The following COL6A3 variants were observed in gnomAD, a reference collection of about 807,000 sequenced individuals.
COL6A3 encodes collagen alpha-3(VI) chain.
In COL6A3, 137 loss-of-function variants were observed where a neutral mutation model predicts 274.1. That is an observed-to-expected ratio of 0.50 (90% CI 0.44 to 0.58). The LOEUF (loss-of-function observed/expected upper bound fraction) is 0.58, where lower values mean the gene tolerates loss of function less well. Ranked by LOEUF, COL6A3 falls within the 20% of genes least tolerant of loss-of-function variation. The pLI is 0.00. For synonymous variants in COL6A3, 1,650 were observed against 1,650.6 expected (o/e 1.00, Z 0.01); for missense variants, 3,950 against 4,124.9 (o/e 0.96, Z 1.16).
intron 26 of COL6A3, among the ~76,000 whole-genome samples, chr2:237,352,227 T>C (rs953245610): frequency 6.6e-6 from 1 of 152,176 alleles, no homozygotes; most frequent in Non-Finnish European, 1.5e-5. Context: ...TAGATTTAGA[T>C]TTTCCAGGAT....
intron 25 of COL6A3, 96 bp downstream of exon 25, chr2:237,353,245 A>G: frequency 8.1e-7 from 1 of 1,229,182 alleles, no homozygotes; most frequent in Non-Finnish European, 1.2e-6. Context: ...GTTCACTTTA[A>G]AATGGTTAAC....
Position 237,371,454 on chromosome 2 carries a change from C to T in COL6A3, c.4285+278G>A, listed in dbSNP as rs1193704628. Among the ~76,000 whole-genome samples the T allele has an allele frequency of 2.0e-5, 3 of 151,970 alleles. No individual in the cohort carries two copies. Among genetic ancestry groups the T allele is most frequent in the East Asian group, 1.9e-4 (1 of 5,166 alleles). On this transcript the variant is annotated intron_variant, in intron 9 of 43. Coordinates refer to ENST00000295550, the MANE Select transcript of COL6A3 (RefSeq NM_004369.4). The surrounding 1 kb of genome is among the most constrained non-coding windows in gnomAD (Gnocchi z 4.3). ...TCCACAAAAAATACAAAAAATTAGC[C>T]GGGCGTGGTGGTATGAACCTGTAGT...
rs1301955676 is a variant in COL6A3, at chr2:237,366,822, T to A, written c.5365A>T (p.Ile1789Leu). 2 of 1,614,122 alleles carry A rather than the reference T, an allele frequency of 1.2e-6. No individual in the cohort carries two copies. The highest frequency in any genetic ancestry group is 1.7e-5 in the Admixed American group (1 of 60,008). ...RNIDSEEVGK[I>L]ASNSATAFRV... The stretch of plus-strand genomic sequence containing the variant: ...AACGCTGTGGCGCTGTTGGACGCTA[T>A]CTTTCCAACCTCCTCCGAGTCGATA... Residue 1789 changes from isoleucine (I) to leucine (L), a missense_variant, in exon 11 of 44, where the codon ATA becomes TTA. Coordinates refer to ENST00000295550, the MANE Select transcript of COL6A3 (RefSeq NM_004369.4).
rs114223521 is a variant in COL6A3 at position 237,385,587 on chromosome 2, C to T, written c.1312+1995G>A. On this transcript the variant is annotated intron_variant, in intron 4 of 43. Transcript: ENST00000295550. ...AGAGACCAGCTTTCCCATCTACAGC[C>T]ATGTTGCATCGTCGGTGTCTGCAAA... is the stretch of plus-strand genomic sequence containing the variant. Among the ~76,000 whole-genome samples the T allele has an allele frequency of 2.1e-3, 324 of 152,320 alleles. 2 individuals are homozygous for T. The highest frequency in any genetic ancestry group is 7.3e-3 in the African/African-American group (302 of 41,572).
Position 237,357,872 on chromosome 2 carries a change from C to A in COL6A3, c.6482G>T (p.Gly2161Val), listed in dbSNP as rs2077351651. The change falls in exon 22 of 44, where the codon GGA becomes GTA. Residue 2161 changes from glycine (G) to valine (V), a missense_variant. Coordinates refer to ENST00000295550, the MANE Select transcript of COL6A3 (RefSeq NM_004369.4). ...VGIRGDPGNPGQDSQERGPKG... is the reference protein window; with the variant it reads ...VGIRGDPGNPVQDSQERGPKG... Reference sequence around the variant, plus strand: ...GGGTCCTCTCTCCTGGCTGTCTTGTCCTGGGTTACCCTGAAAGCAACATGG... The same window carrying A: ...GGGTCCTCTCTCCTGGCTGTCTTGTACTGGGTTACCCTGAAAGCAACATGG... 1 of 1,614,006 alleles carries A rather than the reference C, an allele frequency of 6.2e-7. No homozygotes were observed. Among genetic ancestry groups the A allele is most frequent in the Non-Finnish European group, 8.5e-7 (1 of 1,180,028 alleles).
At chr2:237,393,975 C>G (rs982833678) in intron 3 of COL6A3, among the ~76,000 whole-genome samples, 2 of 152,180 alleles carry the variant, frequency 1.3e-5, no homozygotes, top group Non-Finnish European at 2.9e-5. Context: ...AATAAGAAGA[C>G]CAGACCCACA....
chr2:237,352,390 G>A, intron 26 of COL6A3, 132 bp downstream of exon 26: 1 of 909,152 alleles, frequency 1.1e-6, no homozygotes. Context: ...TAAATCTGGG[G>A]TTTTTGTTGC....
At chr2:237,363,149 C>CT (rs1482521784) in intron 14 of COL6A3, 104 bp downstream of exon 14, 18 of 1,159,046 alleles carry the variant, frequency 1.6e-5, no homozygotes, top group Non-Finnish European at 2.3e-5. Context: ...CAAGGCCCCC[C>CT]CCCCACCTCC....
chr2:237,347,718 G>T, intron 31 of COL6A3, 89 bp downstream of exon 31: 1 of 1,341,256 alleles, frequency 7.5e-7, no homozygotes, highest in Non-Finnish European at 1.0e-6. Flanking sequence ...GGGTGCAAGT[G>T]AAGGATAATT....
Position 237,358,873 on chromosome 2 carries a change from G to T in COL6A3, c.6408+162C>A, listed in dbSNP as rs554537588. On this transcript the variant is annotated intron_variant, in intron 20 of 43. Transcript: ENST00000295550. ...GAAACAAGAAAATGTACTGTAATGT[G>T]TCAGAGCTGAGAGGGGATGTAATGG... Among the ~76,000 whole-genome samples the T allele has an allele frequency of 1.3e-5, 2 of 152,338 alleles. 1 individual carries two copies. The highest frequency in any genetic ancestry group is 2.9e-5 in the Non-Finnish European group (2 of 68,034).
At chr2:237,392,148 G>A (rs1030760745) in intron 3 of COL6A3, among the ~76,000 whole-genome samples, 7 of 152,172 alleles carry the variant, frequency 4.6e-5, no homozygotes, top group Non-Finnish European at 7.3e-5. Flanking sequence ...TGCCAGCCCC[G>A]TTAAAGCTGA....
In COL6A3 at chr2:237,374,480, C is replaced by T. The variant is rs957456366; in HGVS notation, c.3611G>A (p.Arg1204Lys). 1 of 1,613,988 alleles carries T rather than the reference C, an allele frequency of 6.2e-7. No homozygotes were observed. The highest frequency in any genetic ancestry group is 8.5e-7 in the Non-Finnish European group (1 of 1,180,048). ...CTCCTCGCGGGTGAGCTGGGTCACC[C>T]TCTCAGAGATGACCTGTTGGACGGT... ...LGTVQQVISERVTQLTREELS... is the reference protein window; with the variant it reads ...LGTVQQVISEKVTQLTREELS... Residue 1204 changes from arginine to lysine, a missense_variant, in exon 8 of 44, where the codon AGG (arginine) becomes AAG (lysine). Arg to Lys is a conservative substitution (Grantham distance 26). This residue lies in a region of COL6A3 where 1,934 missense variants were observed against 1,984.3 expected (regional missense o/e 0.97). Coordinates refer to ENST00000295550, the MANE Select transcript of COL6A3 (RefSeq NM_004369.4). The surrounding 1 kb of genome is among the most constrained non-coding windows in gnomAD (Gnocchi z 4.8).
At chr2:237,377,988 T>C (rs2077896846) in intron 6 of COL6A3, among the ~76,000 whole-genome samples, 1 of 152,226 alleles carries the variant, frequency 6.6e-6, no homozygotes, top group African/African-American at 2.4e-5. Flanking sequence ...GTAAATAACA[T>C]TCTCAGTTAA....
rs372154635 is a variant in COL6A3 at position 237,351,177 on chromosome 2, C to T, written c.6769G>A (p.Ala2257Thr). The T allele has an allele frequency of 1.2e-4, 200 of 1,614,064 alleles. No homozygotes were observed. Among genetic ancestry groups the T allele is most frequent in the Non-Finnish European group, 1.5e-4 (182 of 1,180,024 alleles). The part of the protein sequence containing the change: ...ISGPRGSGGA[A>T]GAPGERGRTG... Reference sequence around the variant, plus strand: ...CTGCCTCGTTCTCCAGGAGCACCAGCGGCACCTCCGCTTCCCTGGAGCAGG... The same window carrying T: ...CTGCCTCGTTCTCCAGGAGCACCAGTGGCACCTCCGCTTCCCTGGAGCAGG... The change falls in exon 27 of 44, where the codon GCT (alanine) becomes ACT (threonine). Residue 2257 changes from alanine to threonine, a missense_variant. By Grantham distance (58) the Ala-to-Thr change is moderately conservative. This residue lies in a region of COL6A3 where 1,284 missense variants were observed against 1,349.7 expected (regional missense o/e 0.95). Coordinates refer to ENST00000295550, the MANE Select transcript of COL6A3 (RefSeq NM_004369.4).
intron 3 of COL6A3, 72 bp from the exon 4 acceptor site, chr2:237,388,256 G>T: frequency 6.3e-7 from 1 of 1,593,918 alleles, no homozygotes. Flanking sequence ...TCAGTGTTCT[G>T]ACATGTTTCT....
At chr2:237,333,613 G>C in intron 41 of COL6A3, 65 bp from the exon 42 acceptor site, 3 of 1,377,078 alleles carry the variant, frequency 2.2e-6, no homozygotes, top group Non-Finnish European at 3.1e-6. Flanking sequence ...GGAATCCTTA[G>C]TGACTGATAT....
At position 237,368,729 on chromosome 2, in the gene COL6A3, G is replaced by A. The variant is rs774809714; in HGVS notation, c.4734C>T (p.Ile1578=). ...TGATGGTCTGCAGCTCTGTTCTGTC[G>A]ATGTTCCGGTCTCCTACCCCTAAAC... ...IVSLGVGDRN[I]DRTELQTITN... is the part of the protein sequence containing the mutation. The change falls in exon 10 of 44, where the codon ATC becomes ATT. Residue 1578 remains isoleucine, a synonymous_variant. Transcript: ENST00000295550. This position sits in a 1 kb window ranked among gnomAD's most constrained non-coding sequence, Gnocchi z 4.4. 4.8e-5 allele frequency: 77 copies of A among 1,614,046 alleles called. No individual in the cohort carries two copies. Among genetic ancestry groups the A allele is most frequent in the South Asian group, 2.1e-4 (19 of 91,072 alleles).
chr2:237,388,370 A>C (rs2078206900), intron 3 of COL6A3, among the ~76,000 whole-genome samples, 186 bp from the exon 4 acceptor site: 1 of 152,182 alleles, frequency 6.6e-6, no homozygotes, highest in Non-Finnish European at 1.5e-5. Context: ...ATAAGAGGCA[A>C]CCTCTTAGAA....
chr2:237,387,522 A>T, intron 4 of COL6A3, 60 bp downstream of exon 4: 1 of 1,612,324 alleles, frequency 6.2e-7, no homozygotes, highest in Non-Finnish European at 8.5e-7. Context: ...CCTTACGTCT[A>T]TGTAAACCAA....
Sources: allele counts gnomAD v4.1 joint callset (sites outside exome capture counted in the v4.1 genomes callset), GRCh38; gene constraint gnomAD v4.1.1; regional missense constraint gnomAD v4.1.1; non-coding constraint Gnocchi (gnomAD v3.1); transcripts MANE v1.5; gene names NCBI Gene and HGNC (gene_info 2026-07-23, HGNC 2026-07-21).